FHIT: variants seen among roughly 807,000 people sequenced by gnomAD.
FHIT encodes the protein bis(5'-adenosyl)-triphosphatase.
Under a neutral mutation model 17.9 loss-of-function variants are expected in FHIT, and 19 were observed. The observed-to-expected ratio is 1.06, with a 90% CI of 0.74 to 1.56. FHIT has a LOEUF of 1.56. Among genes scored for constraint, FHIT ranks in the 40% most tolerant of loss-of-function variants. The pLI is 0.00. For synonymous variants in FHIT, 81 were observed against 69.7 expected (o/e 1.16, Z -0.81); for missense variants, 248 against 189.2 (o/e 1.31, Z -1.82).
At position 60,027,143 on chromosome 3, in the gene FHIT, ACAC is replaced by A. The variant is rs1392476691; in HGVS notation, c.104-12994_104-12992del. On this transcript the variant is annotated intron_variant, in intron 5 of 9. Coordinates refer to ENST00000492590, the MANE Select transcript of FHIT (RefSeq NM_002012.4). Reference sequence around the variant, plus strand: ...CACACACACACACACACACACACACACACACAAAATTAGTAAACCCAATAATCC... The same window carrying A: ...CACACACACACACACACACACACACAACAAAATTAGTAAACCCAATAATCC... Among the ~76,000 whole-genome samples the A allele has an allele frequency of 1.2e-3, 156 of 134,040 alleles. 2 individuals are homozygous for A. The highest frequency in any genetic ancestry group is 3.3e-3 in the East Asian group (15 of 4,600). The allele number at this position is 134,040 out of a possible 152,430, so 87.9% of individuals were successfully genotyped here.
At chr3:60,962,908 T>G (rs1361296975) in intron 3 of FHIT, among the ~76,000 whole-genome samples, 1 of 152,228 alleles carries the variant, frequency 6.6e-6, no homozygotes, top group Non-Finnish European at 1.5e-5. Context: ...GTTGTCTCAC[T>G]GCCAGGCTTT....
At chr3:60,125,767 T>C (rs772195515) in intron 5 of FHIT, among the ~76,000 whole-genome samples, 2 of 152,072 alleles carry the variant, frequency 1.3e-5, no homozygotes, top group South Asian at 4.2e-4. Context: ...TCGGGAGGAC[T>C]GCATTTGGCT....
At chr3:60,133,366 C>T (rs1699679582) in intron 5 of FHIT, among the ~76,000 whole-genome samples, 1 of 152,118 alleles carries the variant, frequency 6.6e-6, no homozygotes, top group Admixed American at 6.5e-5. Flanking sequence ...ATCCTTTGGG[C>T]TCAAAGCCAG....
intron 2 of FHIT, among the ~76,000 whole-genome samples, chr3:61,119,429 G>A (rs755886316): frequency 9.2e-5 from 14 of 152,028 alleles, no homozygotes; most frequent in African/African-American, 2.9e-4. Flanking sequence ...GGCCAGGCTT[G>A]TCTTGAACTC....
chr3:60,215,120 C>T (rs1465205367), intron 5 of FHIT, among the ~76,000 whole-genome samples: 1 of 151,910 alleles, frequency 6.6e-6, no homozygotes, highest in Admixed American at 6.6e-5. Flanking sequence ...TTCAGCGACA[C>T]TCAGTTTACC....
At chr3:60,313,647 T>C (rs190734489) in intron 5 of FHIT, among the ~76,000 whole-genome samples, 3 of 152,214 alleles carry the variant, frequency 2.0e-5, no homozygotes, top group Admixed American at 2.0e-4. Flanking sequence ...AAGTGACAAA[T>C]GATAGCTGAG....
intron 4 of FHIT, among the ~76,000 whole-genome samples, chr3:60,761,103 A>G (rs1369600934): frequency 6.6e-6 from 1 of 152,254 alleles, no homozygotes; most frequent in South Asian, 2.1e-4. Flanking sequence ...AAGACTAATG[A>G]CCTTTGACAT....
intron 5 of FHIT, among the ~76,000 whole-genome samples, chr3:60,445,137 A>C (rs887501575): frequency 6.6e-6 from 1 of 152,208 alleles, no homozygotes; most frequent in Admixed American, 6.5e-5. Context: ...AATGCACGTA[A>C]GTATTGCTTG....
At chr3:60,121,318 A>G (rs1160973139) in intron 5 of FHIT, among the ~76,000 whole-genome samples, 1 of 152,254 alleles carries the variant, frequency 6.6e-6, no homozygotes, top group African/African-American at 2.4e-5. Flanking sequence ...TAACAATCCA[A>G]TATAGTTTCC....
chr3:60,652,226 T>C (rs1464122646), intron 4 of FHIT, among the ~76,000 whole-genome samples: 1 of 152,192 alleles, frequency 6.6e-6, no homozygotes, highest in Non-Finnish European at 1.5e-5. Flanking sequence ...TGGCTCTCCA[T>C]GTGGACTAGC....
chr3:59,984,773 G>A (rs574888639), intron 7 of FHIT, among the ~76,000 whole-genome samples: 1 of 152,074 alleles, frequency 6.6e-6, no homozygotes, highest in South Asian at 2.1e-4. Flanking sequence ...ATACACTGAG[G>A]GACAAAACAA....
At chr3:60,702,064 T>C (rs2041260860) in intron 4 of FHIT, among the ~76,000 whole-genome samples, 1 of 152,198 alleles carries the variant, frequency 6.6e-6, no homozygotes, top group South Asian at 2.1e-4. Context: ...GGTTTCGCCA[T>C]GTTGCCCAGG....
At chr3:60,447,077 A>G (rs1345355465) in intron 5 of FHIT, among the ~76,000 whole-genome samples, 3 of 151,932 alleles carry the variant, frequency 2.0e-5, no homozygotes, top group South Asian at 4.2e-4. Context: ...CTGTTTTCTC[A>G]ACTGCTCCTT....
At chr3:59,804,783 C>T (rs944667365) in intron 8 of FHIT, among the ~76,000 whole-genome samples, 2 of 152,166 alleles carry the variant, frequency 1.3e-5, no homozygotes, top group African/African-American at 4.8e-5. Flanking sequence ...CCTGAGAAGG[C>T]CCTTTGCTGA....
At chr3:60,496,877 G>A (rs1039163248) in intron 5 of FHIT, among the ~76,000 whole-genome samples, 2 of 152,082 alleles carry the variant, frequency 1.3e-5, no homozygotes. Flanking sequence ...ATTATGTACA[G>A]CAGGACACAG....
intron 4 of FHIT, among the ~76,000 whole-genome samples, chr3:60,604,257 T>G (rs1028761374): frequency 2.0e-5 from 3 of 152,158 alleles, no homozygotes; most frequent in Non-Finnish European, 2.9e-5. Flanking sequence ...AATTAAGTAC[T>G]TTTGACCACA....
At chr3:60,195,589 A>ATATATATATATATT (rs1702601774) in intron 5 of FHIT, among the ~76,000 whole-genome samples, 5 of 83,016 alleles carry the variant, frequency 6.0e-5, no homozygotes, top group Non-Finnish European at 1.2e-4. Flanking sequence ...ATTTATATTT[A>ATATATATATATATT]TATATAATTA....
At chr3:59,956,216 G>C (rs970737132) in intron 7 of FHIT, among the ~76,000 whole-genome samples, 2 of 152,088 alleles carry the variant, frequency 1.3e-5, no homozygotes, top group Admixed American at 1.3e-4. Flanking sequence ...CCCAGCTCTG[G>C]AGTCAAACTG....
chr3:60,069,612 A>G (rs1702675218), intron 5 of FHIT, among the ~76,000 whole-genome samples: 1 of 152,236 alleles, frequency 6.6e-6, no homozygotes, highest in African/African-American at 2.4e-5. Flanking sequence ...TTCATAGTAA[A>G]TAATTCAACT....
Sources: allele counts gnomAD v4.1 joint callset (sites outside exome capture counted in the v4.1 genomes callset), GRCh38; gene constraint gnomAD v4.1.1; transcripts MANE v1.5; gene names NCBI Gene and HGNC (gene_info 2026-07-23, HGNC 2026-07-21).